IFT52: variants seen among roughly 807,000 people sequenced by gnomAD.
The protein encoded by IFT52 is intraflagellar transport protein 52 homolog.
A neutral mutation model predicts 54.4 loss-of-function variants in IFT52; 44 were observed. The ratio of observed to expected loss-of-function variants is 0.81; its 90% CI spans 0.63 to 1.04. The LOEUF is 1.04. Ranked by LOEUF, IFT52 falls within the 50% of genes least tolerant of loss-of-function variation. The pLI, the probability that IFT52 is intolerant of heterozygous loss-of-function variation, is 0.00. For missense variants in IFT52, 452 were observed against 523.6 expected (o/e 0.86, Z 1.33); for synonymous variants, 181 against 185.3 (o/e 0.98, Z 0.19).
chr20:43,620,783 A>T, intron 8 of IFT52, 74 bp from the exon 9 acceptor site: 1 of 1,027,904 alleles, frequency 9.7e-7, no homozygotes, highest in Non-Finnish European at 1.5e-6. Flanking sequence ...TTCTTGATTT[A>T]ATTCTCTAGT....
intron 7 of IFT52, 96 bp downstream of exon 7, chr20:43,614,072 T>C: frequency 8.9e-7 from 1 of 1,119,964 alleles, no homozygotes; most frequent in Non-Finnish European, 1.3e-6. Flanking sequence ...ATATGTTTTC[T>C]CACTGGTCTT....
chr20:43,607,821 G>C (rs1003796852), intron 6 of IFT52, among the ~76,000 whole-genome samples: 1 of 152,150 alleles, frequency 6.6e-6, no homozygotes, highest in African/African-American at 2.4e-5. Flanking sequence ...GTTGTAGCGA[G>C]CCGAGATCAC....
Position 43,618,993 on chromosome 20 carries a change from A to G in IFT52, c.666A>G (p.Gln222=), listed in dbSNP as rs1175335254. 1.2e-6 allele frequency: 2 copies of G among 1,613,930 alleles called. No individual in the cohort carries two copies. The highest frequency in any genetic ancestry group is 3.3e-5 in the Admixed American group (2 of 59,982). Residue 222 remains glutamine (Q), a synonymous_variant, in exon 8 of 14, where the codon CAA becomes CAG. Coordinates refer to ENST00000373030, the MANE Select transcript of IFT52 (RefSeq NM_016004.5). ...VLGSCHMFSD[Q]YLDKEENSKI... is the part of the protein sequence containing the mutation. The stretch of plus-strand genomic sequence containing the variant: ...GTTCATGTCACATGTTCAGTGATCA[A>G]TATTTGGACAAAGAAGAAAACAGCA...
At chr20:43,626,238 A>T (rs1398821452) in intron 10 of IFT52, among the ~76,000 whole-genome samples, 1 of 150,870 alleles carries the variant, frequency 6.6e-6, no homozygotes, top group African/African-American at 2.4e-5. Flanking sequence ...GCACATCTGT[A>T]CTTCATCTAA....
chr20:43,636,465 C>T (rs1354856261), intron 11 of IFT52, among the ~76,000 whole-genome samples: 5 of 152,182 alleles, frequency 3.3e-5, no homozygotes, highest in African/African-American at 1.2e-4. Flanking sequence ...TGTCTCACCA[C>T]ATTCTGAAAT....
rs1215744133 is a variant in IFT52 at position 43,622,774 on chromosome 20, G to T, written c.769-1117G>T. Among the ~76,000 whole-genome samples, 9 of 83,882 alleles carry T rather than the reference G, an allele frequency of 1.1e-4. 2 individuals are homozygous for T. The highest frequency in any genetic ancestry group is 1.5e-4 in the Non-Finnish European group (6 of 39,988). 55.0% of individuals were successfully genotyped at this position (83,882 alleles called of 152,430 possible). A position where few individuals can be genotyped will look rare whatever the true frequency, so the allele number is the denominator to read the frequency against. ...AAATATAAATATATACAAATTGTGT[G>T]TAAATATAAATATATACATATTTTT... is the stretch of plus-strand genomic sequence containing the variant. On this transcript the variant is annotated intron_variant, in intron 9 of 13. Coordinates refer to ENST00000373030, the MANE Select transcript of IFT52 (RefSeq NM_016004.5).
chr20:43,642,972 G>T lies in IFT52; in HGVS notation c.1266+348G>T, dbSNP rs139082357. Among the ~76,000 whole-genome samples the T allele has an allele frequency of 5.9e-5, 9 of 152,070 alleles. No homozygotes were observed. The East Asian group carries it at 1.6e-3, about 26-fold the overall frequency. On this transcript the variant is annotated intron_variant, in intron 13 of 13. Coordinates refer to ENST00000373030, the MANE Select transcript of IFT52 (RefSeq NM_016004.5). Reference sequence around the variant, plus strand: ...ACCCGAGGTCAGGAGTTCGAGACCAGCCTGACCAACATGGTGAAACCCCCT... The same window carrying T: ...ACCCGAGGTCAGGAGTTCGAGACCATCCTGACCAACATGGTGAAACCCCCT...
rs534546507 is a variant in IFT52, at chr20:43,607,159, G to T, written c.485+2086G>T. On this transcript the variant is annotated intron_variant, in intron 6 of 13. Coordinates refer to ENST00000373030, the MANE Select transcript of IFT52 (RefSeq NM_016004.5). ...GGCTCCTCACTTCCCAGTAGGGGCA[G>T]CCGGGCAGAGGCGCCCCTCACCTCC... is the stretch of plus-strand genomic sequence containing the variant. Among the ~76,000 whole-genome samples, 196 of 152,132 alleles carry T rather than the reference G, an allele frequency of 1.3e-3. 1 individual carries two copies. Among genetic ancestry groups the T allele is most frequent in the African/African-American group, 4.6e-3 (192 of 41,526 alleles).
chr20:43,639,968 C>T (rs2867728), intron 12 of IFT52, among the ~76,000 whole-genome samples: 116,655 of 152,066 alleles, frequency 0.77, 45,006 homozygotes, highest in East Asian at 0.8. Flanking sequence ...TTGAGACCAG[C>T]CTGGGCAACA....
At chr20:43,605,790 T>C (rs1982822133) in intron 6 of IFT52, among the ~76,000 whole-genome samples, 1 of 152,170 alleles carries the variant, frequency 6.6e-6, no homozygotes, top group Admixed American at 6.5e-5. Flanking sequence ...TCCTTACAAC[T>C]CTGGAAAGTT....
In IFT52 at chr20:43,623,937, G is replaced by A. The variant is rs145689726; in HGVS notation, c.815G>A (p.Arg272Gln). The A allele has an allele frequency of 3.1e-5, 50 of 1,613,996 alleles. No homozygotes were observed. The highest frequency in any genetic ancestry group is 6.7e-5 in the African/African-American group (5 of 74,896). ...MLPYTATLSK[R>Q]NRECLQESDE... ...CCCTACACAGCCACCCTATCAAAGC[G>A]GAATCGAGAGTGTCTCCAGGAGAGT... Residue 272 changes from arginine to glutamine, a missense_variant, in exon 10 of 14, where the codon CGG (arginine) becomes CAG (glutamine). Coordinates refer to ENST00000373030, the MANE Select transcript of IFT52 (RefSeq NM_016004.5).
intron 10 of IFT52, among the ~76,000 whole-genome samples, chr20:43,631,141 T>TGC (rs1487259887): frequency 6.6e-6 from 1 of 152,220 alleles, no homozygotes; most frequent in Non-Finnish European, 1.5e-5. Flanking sequence ...GTTCTGATCT[T>TGC]GCCTTTGTCC....
intron 1 of IFT52, among the ~76,000 whole-genome samples, chr20:43,591,321 T>C (rs1981496611): frequency 6.6e-6 from 1 of 152,222 alleles, no homozygotes; most frequent in Non-Finnish European, 1.5e-5. Flanking sequence ...AGTCTTAATC[T>C]CTCTTCTGTC....
chr20:43,623,283 C>T (rs951676276), intron 9 of IFT52, among the ~76,000 whole-genome samples: 5 of 152,178 alleles, frequency 3.3e-5, no homozygotes, highest in East Asian at 1.9e-4. Context: ...CTCCTGGACT[C>T]AGGTGATCCT....
chr20:43,646,722 T>C (rs1413585769), intron 13 of IFT52, among the ~76,000 whole-genome samples: 2 of 152,128 alleles, frequency 1.3e-5, no homozygotes. Context: ...TTACTCATCA[T>C]GGTGGGTGGT....
intron 6 of IFT52, among the ~76,000 whole-genome samples, chr20:43,610,297 A>G (rs1272290872): frequency 1.3e-5 from 1 of 77,408 alleles, no homozygotes; most frequent in Non-Finnish European, 3.0e-5. Context: ...AACGCAAAAA[A>G]AAAAAAAAAA....
At chr20:43,634,744 G>A (rs867507448) in intron 10 of IFT52, among the ~76,000 whole-genome samples, 4 of 151,900 alleles carry the variant, frequency 2.6e-5, no homozygotes, top group African/African-American at 4.8e-5. Context: ...CATCACGCAT[G>A]TGTTAAGCCT....
At chr20:43,617,014 A>G (rs1245106189) in intron 7 of IFT52, among the ~76,000 whole-genome samples, 1 of 152,138 alleles carries the variant, frequency 6.6e-6, no homozygotes, top group Non-Finnish European at 1.5e-5. Flanking sequence ...CCCTATCTCT[A>G]AAAATGGGAA....
At chr20:43,607,229 C>T (rs1982984063) in intron 6 of IFT52, among the ~76,000 whole-genome samples, 1 of 145,780 alleles carries the variant, frequency 6.9e-6, no homozygotes, top group African/African-American at 2.7e-5. Context: ...CCCCCACCTC[C>T]CTCCCGGACG....
Sources: allele counts gnomAD v4.1 joint callset (sites outside exome capture counted in the v4.1 genomes callset), GRCh38; gene constraint gnomAD v4.1.1; transcripts MANE v1.5; gene names NCBI Gene and HGNC (gene_info 2026-07-23, HGNC 2026-07-21).